SPATA6L: variants seen among roughly 807,000 people sequenced by gnomAD.
SPATA6L encodes the protein spermatogenesis associated 6 like.
In SPATA6L, 68 loss-of-function variants were observed where a neutral mutation model predicts 49.2. That is an observed-to-expected ratio of 1.38 (90% CI 1.14 to 1.69). The LOEUF (loss-of-function observed/expected upper bound fraction) is 1.69, where lower values mean the gene tolerates loss of function less well. SPATA6L is among the 40% of genes most tolerant of loss of function. The probability of loss-of-function intolerance (pLI) is 0.00; values close to 1 mark genes in which losing one functional copy is unlikely to be tolerated. For missense variants in SPATA6L, 668 were observed against 464.3 expected, an observed-to-expected ratio of 1.44 and a Z score of -4.03; for synonymous variants, 198 against 165.7, an observed-to-expected ratio of 1.19 and a Z score of -1.50.
chr9:4,609,103 T>C (rs540678592), intron 9 of SPATA6L, among the ~76,000 whole-genome samples: 6,732 of 147,362 alleles, frequency 0.046, 628 homozygotes, highest in African/African-American at 0.17. Context: ...CAGGAAGAAG[T>C]TGAATCTCTG....
intron 9 of SPATA6L, among the ~76,000 whole-genome samples, chr9:4,606,164 G>C (rs761055963): frequency 6.6e-6 from 1 of 151,524 alleles, no homozygotes; most frequent in Non-Finnish European, 1.5e-5. Flanking sequence ...ACGGAGTCTC[G>C]CTGATTGCTA....
At chr9:4,627,564 G>A (rs1830582320) in intron 5 of SPATA6L, 1 of 377,822 alleles carries the variant, frequency 2.6e-6, no homozygotes, top group Admixed American at 4.0e-5. Flanking sequence ...ATTTGGAGAA[G>A]CTTCACAAAC....
At chr9:4,656,876 G>C (rs185095719) in intron 2 of SPATA6L, among the ~76,000 whole-genome samples, 130 of 152,148 alleles carry the variant, frequency 8.5e-4, no homozygotes, top group African/African-American at 2.9e-3. Flanking sequence ...GTGCTAAAAA[G>C]GAACATAAAA....
At chr9:4,643,097 T>TC (rs1834400196) in intron 3 of SPATA6L, among the ~76,000 whole-genome samples, 1 of 152,138 alleles carries the variant, frequency 6.6e-6, no homozygotes, top group African/African-American at 2.4e-5. Flanking sequence ...AACCTCTGCC[T>TC]CCCGGGTTCA....
intron 5 of SPATA6L, chr9:4,627,657 G>T: frequency 9.2e-7 from 1 of 1,090,460 alleles, no homozygotes; most frequent in Non-Finnish European, 1.2e-6. Flanking sequence ...AAGCAAAACA[G>T]AAAGAAATTG....
intron 9 of SPATA6L, among the ~76,000 whole-genome samples, chr9:4,608,937 G>A (rs1289489918): frequency 6.6e-6 from 1 of 152,004 alleles, no homozygotes; most frequent in Non-Finnish European, 1.5e-5. Flanking sequence ...GAATCAAATA[G>A]ACGCAATATA....
intron 9 of SPATA6L, among the ~76,000 whole-genome samples, chr9:4,613,641 T>C (rs1827291875): frequency 6.6e-6 from 1 of 152,146 alleles, no homozygotes; most frequent in Non-Finnish European, 1.5e-5. Flanking sequence ...TGGAGTGCAG[T>C]GGCGCTACCT....
Position 4,662,402 on chromosome 9 carries a change from G to A in SPATA6L, c.40-366C>T. On this transcript the variant is annotated intron_variant, in intron 1 of 11. Coordinates refer to ENST00000682582, the MANE Select transcript of SPATA6L (RefSeq NM_001353486.2). This position sits in a 1 kb window ranked among gnomAD's most constrained non-coding sequence, Gnocchi z 4.9. ...TGCCAAGTCCCCGGAGGAGCATGGA[G>A]GGACGGCCGCTGGGCGTCTCCGCTT... 12 of 1,535,618 alleles carry A rather than the reference G, an allele frequency of 7.8e-6. No homozygotes were observed. Among genetic ancestry groups the A allele is most frequent in the Non-Finnish European group, 8.7e-6 (10 of 1,148,864 alleles).
intron 3 of SPATA6L, among the ~76,000 whole-genome samples, chr9:4,641,087 A>T (rs1249260627): frequency 3.3e-5 from 5 of 152,224 alleles, no homozygotes; most frequent in Non-Finnish European, 5.9e-5. Context: ...TGTTGAAAAT[A>T]CATATTCTGC....
At chr9:4,635,616 T>G (rs1017903043) in intron 3 of SPATA6L, among the ~76,000 whole-genome samples, 2 of 152,110 alleles carry the variant, frequency 1.3e-5, no homozygotes, top group Non-Finnish European at 2.9e-5. Context: ...AAAAAAAGAC[T>G]AAAGAGATGT....
chr9:4,637,489 G>C (rs909814477), intron 3 of SPATA6L, among the ~76,000 whole-genome samples: 6 of 152,110 alleles, frequency 3.9e-5, no homozygotes, highest in Non-Finnish European at 8.8e-5. Flanking sequence ...CAGTGACTTT[G>C]TCTTTTCTGT....
At chr9:4,659,854 G>C (rs1360413553) in intron 2 of SPATA6L, among the ~76,000 whole-genome samples, 3 of 152,172 alleles carry the variant, frequency 2.0e-5, no homozygotes, top group Non-Finnish European at 2.9e-5. Flanking sequence ...GAACAGAACA[G>C]AGGCCCTCAG....
intron 2 of SPATA6L, among the ~76,000 whole-genome samples, chr9:4,660,508 G>A (rs551638979): frequency 8.4e-4 from 128 of 152,204 alleles, no homozygotes; most frequent in African/African-American, 2.2e-3. Context: ...TTAGAATGGC[G>A]ATCATTAAAA....
intron 3 of SPATA6L, chr9:4,646,157 G>T: frequency 5.7e-6 from 1 of 176,166 alleles, no homozygotes; most frequent in Non-Finnish European, 1.2e-5. Context: ...CCACAAATTA[G>T]AACACAGCCA....
At chr9:4,611,900 A>C (rs948745700) in intron 9 of SPATA6L, among the ~76,000 whole-genome samples, 5 of 152,176 alleles carry the variant, frequency 3.3e-5, no homozygotes, top group Non-Finnish European at 5.9e-5. Context: ...CTAACGTACA[A>C]CTGCATGATC....
At chr9:4,629,477 G>C (rs1030956627) in intron 4 of SPATA6L, among the ~76,000 whole-genome samples, 1 of 151,724 alleles carries the variant, frequency 6.6e-6, no homozygotes, top group African/African-American at 2.4e-5. Flanking sequence ...CTAGTAATGA[G>C]GGCTATTAAT....
At chr9:4,645,088 T>C (rs978829725) in intron 3 of SPATA6L, among the ~76,000 whole-genome samples, 1 of 152,196 alleles carries the variant, frequency 6.6e-6, no homozygotes, top group African/African-American at 2.4e-5. Context: ...AAATTTGAAT[T>C]TCATATAATT....
At chr9:4,665,059 T>C (rs1032447888) in intron 1 of SPATA6L, 1 of 167,146 alleles carries the variant, frequency 6.0e-6, no homozygotes, top group African/African-American at 2.4e-5. Flanking sequence ...AGGCTTACCA[T>C]CTGATTTGTA....
At chr9:4,628,006 A>G (rs1056008468) in intron 5 of SPATA6L, 43 of 362,738 alleles carry the variant, frequency 1.2e-4, no homozygotes, top group African/African-American at 9.1e-4. Context: ...GCACAGAAAG[A>G]CAAACTTTAT....
Sources: allele counts gnomAD v4.1 joint callset (sites outside exome capture counted in the v4.1 genomes callset), GRCh38; gene constraint gnomAD v4.1.1; non-coding constraint Gnocchi (gnomAD v3.1); transcripts MANE v1.5; gene names NCBI Gene and HGNC (gene_info 2026-07-23, HGNC 2026-07-21).